Variants in KCNQ1 observed in about 807,000 individuals in gnomAD.
KCNQ1 encodes the protein potassium voltage-gated channel subfamily KQT member 1.
Under a neutral mutation model 72.4 loss-of-function variants are expected in KCNQ1, and 49 were observed. The observed-to-expected ratio is 0.68, with a 90% CI of 0.54 to 0.86. The LOEUF (loss-of-function observed/expected upper bound fraction) is 0.86, where lower values mean the gene tolerates loss of function less well. KCNQ1 is among the 40% of genes least tolerant of loss of function. The probability of loss-of-function intolerance (pLI) is 0.00; values close to 1 mark genes in which losing one functional copy is unlikely to be tolerated. For missense variants in KCNQ1, 790 were observed against 945.1 expected (o/e 0.84, Z 2.15); for synonymous variants, 450 against 412.6 (o/e 1.09, Z -1.10).
chr11:2,754,643 CAGA>C (rs1220081765), intron 11 of KCNQ1, among the ~76,000 whole-genome samples: 2 of 152,162 alleles, frequency 1.3e-5, no homozygotes, highest in Non-Finnish European at 2.9e-5. Flanking sequence ...AATCATCCTC[CAGA>C]AGGAAAAAGC....
intron 1 of KCNQ1, among the ~76,000 whole-genome samples, chr11:2,521,991 A>G (rs918645751): frequency 6.6e-6 from 1 of 152,206 alleles, no homozygotes; most frequent in Non-Finnish European, 1.5e-5. Flanking sequence ...GCCCTCCCAC[A>G]GCGTCTCGGG....
At chr11:2,743,075 G>T (rs1409615075) in intron 11 of KCNQ1, among the ~76,000 whole-genome samples, 1 of 152,196 alleles carries the variant, frequency 6.6e-6, no homozygotes, top group East Asian at 1.9e-4. Flanking sequence ...AGGACAGCCG[G>T]CCTGAGCAGG....
At chr11:2,609,039 AAT>A in intron 10 of KCNQ1, 1 of 397,846 alleles carries the variant, frequency 2.5e-6, no homozygotes, top group Non-Finnish European at 4.4e-6. Context: ...TTTCTACTCT[AAT>A]ATTTATTATT....
At position 2,474,454 on chromosome 11, in the gene KCNQ1, C is replaced by T. The variant is rs760945408; in HGVS notation, c.386+28970C>T. ...GTCTGCAGCTGAGCAAAACAGCAGC[C>T]GCCAGATGATGGGCCCTAAGTGGCT... On this transcript the variant is annotated intron_variant, in intron 1 of 15. Coordinates refer to ENST00000155840, the MANE Select transcript of KCNQ1 (RefSeq NM_000218.3). Among the ~76,000 whole-genome samples the T allele has an allele frequency of 7.3e-4, 111 of 152,198 alleles. 1 individual carries two copies. Among genetic ancestry groups the T allele is most frequent in the Non-Finnish European group, 4.1e-4 (28 of 68,032 alleles).
Position 2,682,346 on chromosome 11 carries a change from G to T in KCNQ1, c.1514+20265G>T, listed in dbSNP as rs1379927069. 2.5e-6 allele frequency: 1 copy of T among 398,496 alleles called. No homozygotes were observed. The highest frequency in any genetic ancestry group is 4.4e-6 in the Non-Finnish European group (1 of 226,088). The allele number at this position is 398,496 out of a possible 1,614,324, so 24.7% of individuals were successfully genotyped here. A position where few individuals can be genotyped will look rare whatever the true frequency, so the allele number is the denominator to read the frequency against. On this transcript the variant is annotated intron_variant, in intron 11 of 15. Coordinates refer to ENST00000155840, the MANE Select transcript of KCNQ1 (RefSeq NM_000218.3). This position sits in a 1 kb window ranked among gnomAD's most constrained non-coding sequence, Gnocchi z 5.8. Reference sequence around the variant, plus strand: ...ACTGTGTGTTTATTTGTGGTAAAGGGTTTACTGGCTGGCTCCTTCTATCAC... The same window carrying T: ...ACTGTGTGTTTATTTGTGGTAAAGGTTTTACTGGCTGGCTCCTTCTATCAC...
rs1846854189 is a variant in KCNQ1 at position 2,783,237 on chromosome 11, T to C, written c.1794+5200T>C. On this transcript the variant is annotated intron_variant, in intron 15 of 15. Coordinates refer to ENST00000155840, the MANE Select transcript of KCNQ1 (RefSeq NM_000218.3). The surrounding 1 kb of genome is among the most constrained non-coding windows in gnomAD (Gnocchi z 5.2). The stretch of plus-strand genomic sequence containing the variant: ...TCTCTTGTTTATCCTAGGAGTTCTG[T>C]AGCAATGTGGTTTTTGTCATTGTTA... Among the ~76,000 whole-genome samples the C allele has an allele frequency of 6.6e-6, 1 of 152,176 alleles. No individual in the cohort carries two copies. Among genetic ancestry groups the C allele is most frequent in the Non-Finnish European group, 1.5e-5 (1 of 67,974 alleles).
In KCNQ1 at chr11:2,838,433, G is replaced by A. The variant is rs145252027; in HGVS notation, c.1795-9334G>A. Among the ~76,000 whole-genome samples, 321 of 145,188 alleles carry A rather than the reference G, an allele frequency of 2.2e-3. 1 individual carries two copies. Among genetic ancestry groups the A allele is most frequent in the African/African-American group, 7.4e-3 (298 of 40,226 alleles). On this transcript the variant is annotated intron_variant, in intron 15 of 15. Transcript: ENST00000155840. Reference sequence around the variant, plus strand: ...TGTGAGCGGACTCTGGCATTGATCCGGAGCCACTGAGGGTTAGAGCCTATG... The same window carrying A: ...TGTGAGCGGACTCTGGCATTGATCCAGAGCCACTGAGGGTTAGAGCCTATG...
At position 2,711,898 on chromosome 11, in the gene KCNQ1, G is replaced by A. The variant is rs1036477534; in HGVS notation, c.1514+49817G>A. ...GGCTCACGGGAAAGGCTGGCCCTGA[G>A]GCATGGCAGGTGGCAGGTGGCTGGG... is the stretch of plus-strand genomic sequence containing the variant. On this transcript the variant is annotated intron_variant, in intron 11 of 15. Coordinates refer to ENST00000155840, the MANE Select transcript of KCNQ1 (RefSeq NM_000218.3). This position sits in a 1 kb window ranked among gnomAD's most constrained non-coding sequence, Gnocchi z 5.4. Among the ~76,000 whole-genome samples the A allele has an allele frequency of 6.6e-6, 1 of 152,136 alleles. No homozygotes were observed. The highest frequency in any genetic ancestry group is 2.4e-5 in the African/African-American group (1 of 41,426).
intron 10 of KCNQ1, chr11:2,618,509 T>A (rs1441843011): frequency 2.5e-6 from 1 of 398,498 alleles, no homozygotes; most frequent in African/African-American, 2.1e-5. Flanking sequence ...TGGTTGATCA[T>A]ATATCTTTGA....
At position 2,632,268 on chromosome 11, in the gene KCNQ1, G is replaced by GT. The variant is rs1349561706; in HGVS notation, c.1394-29688dup. On this transcript the variant is annotated intron_variant, in intron 10 of 15. Transcript: ENST00000155840. Reference sequence around the variant, plus strand: ...CTACTTTGCTGAATTAATTTATTCAGTTTTTGTGGTGAGTTTTCAGGGATT... The same window carrying GT: ...CTACTTTGCTGAATTAATTTATTCAGTTTTTTGTGGTGAGTTTTCAGGGATT... 8 of 397,520 alleles carry GT rather than the reference G, an allele frequency of 2.0e-5. No homozygotes were observed. In the Admixed American group the frequency reaches 3.5e-4, roughly 18 times the overall value. The allele number at this position is 397,520 out of a possible 1,614,324, so 24.6% of individuals were successfully genotyped here. A position where few individuals can be genotyped will look rare whatever the true frequency, so the allele number is the denominator to read the frequency against.
rs1403059063 is a variant in KCNQ1, at chr11:2,572,866, C to T, written c.801C>T (p.Tyr267=). ...CCTAGGAGCTGATAACCACCCTGTA[C>T]ATCGGCTTCCTGGGCCTCATCTTCT... is the stretch of plus-strand genomic sequence containing the variant. ...IHRQELITTL[Y]IGFLGLIFSS... is the part of the protein sequence containing the mutation. The change falls in exon 6 of 16, where the codon TAC becomes TAT. Residue 267 remains tyrosine, a synonymous_variant. Transcript: ENST00000155840. The T allele has an allele frequency of 6.2e-7, 1 of 1,613,826 alleles. No homozygotes were observed. Among genetic ancestry groups the T allele is most frequent in the Non-Finnish European group, 8.5e-7 (1 of 1,180,022 alleles).
intron 11 of KCNQ1, among the ~76,000 whole-genome samples, chr11:2,739,253 A>C (rs1590062110): frequency 6.6e-6 from 1 of 152,168 alleles, no homozygotes; most frequent in Non-Finnish European, 1.5e-5. Context: ...GGTGACACCA[A>C]CCCAGCCCCT....
intron 15 of KCNQ1, among the ~76,000 whole-genome samples, chr11:2,802,361 A>T (rs1847285560): frequency 6.6e-6 from 1 of 151,746 alleles, no homozygotes; most frequent in Non-Finnish European, 1.5e-5. Context: ...AGCCCTCACC[A>T]GTATTAACTG....
At chr11:2,688,647 A>G (rs1337964544) in intron 11 of KCNQ1, 1 of 398,622 alleles carries the variant, frequency 2.5e-6, no homozygotes, top group Non-Finnish European at 4.4e-6. Flanking sequence ...TGCCTCCTAA[A>G]CATAGGGCTG....
At chr11:2,452,283 C>A (rs1359705298) in intron 1 of KCNQ1, among the ~76,000 whole-genome samples, 1 of 152,172 alleles carries the variant, frequency 6.6e-6, no homozygotes, top group Admixed American at 6.5e-5. Flanking sequence ...AAGCAGGAAC[C>A]ACAGGCAGAG....
rs1015060896 is a variant in KCNQ1, at chr11:2,724,260, C to T, written c.1515-44584C>T. On this transcript the variant is annotated intron_variant, in intron 11 of 15. Coordinates refer to ENST00000155840, the MANE Select transcript of KCNQ1 (RefSeq NM_000218.3). The surrounding 1 kb of genome is among the most constrained non-coding windows in gnomAD (Gnocchi z 6.8). ...AGGACCCCTTTGCGGTGTCACCTTTCGGCATGTAACCACTTATTCTGTCAG... is the reference window on the plus strand; with the variant it reads ...AGGACCCCTTTGCGGTGTCACCTTTTGGCATGTAACCACTTATTCTGTCAG... Among the ~76,000 whole-genome samples, 2 of 152,188 alleles carry T rather than the reference C, an allele frequency of 1.3e-5. No homozygotes were observed. Among genetic ancestry groups the T allele is most frequent in the Non-Finnish European group, 1.5e-5 (1 of 68,028 alleles).
At chr11:2,500,230 T>A (rs561363673) in intron 1 of KCNQ1, among the ~76,000 whole-genome samples, 1 of 152,222 alleles carries the variant, frequency 6.6e-6, no homozygotes, top group South Asian at 2.1e-4. Context: ...AACAGACACT[T>A]CTCAAAAAAA....
intron 11 of KCNQ1, among the ~76,000 whole-genome samples, chr11:2,707,799 C>T (rs939435710): frequency 6.6e-6 from 1 of 152,220 alleles, no homozygotes; most frequent in African/African-American, 2.4e-5. Flanking sequence ...TATCCTGGAG[C>T]CAGGGTCTAT....
At chr11:2,675,765 CTG>C in intron 11 of KCNQ1, 1 of 398,724 alleles carries the variant, frequency 2.5e-6, no homozygotes, top group Non-Finnish European at 4.4e-6. Flanking sequence ...ACTCACAGCA[CTG>C]TGTGCGGGGA....
Sources: gnomAD v4.1 joint callset for allele counts (sites outside exome capture counted in the v4.1 genomes callset) on GRCh38, gnomAD v4.1.1 for gene constraint, Gnocchi (gnomAD v3.1) non-coding constraint, MANE v1.5 for transcripts, NCBI Gene and HGNC (gene_info 2026-07-23, HGNC 2026-07-21) for gene names.